STX18: variants seen among roughly 807,000 people sequenced by gnomAD.
STX18 encodes syntaxin 18.
STX18 carries 40 observed loss-of-function variants against 50.1 expected under a neutral mutation model. The ratio of observed to expected loss-of-function variants is 0.80; its 90% CI spans 0.62 to 1.04. The LOEUF (loss-of-function observed/expected upper bound fraction) is 1.04. Ranked by LOEUF, STX18 falls within the 50% of genes least tolerant of loss-of-function variation. The probability of loss-of-function intolerance (pLI) is 0.00; values close to 1 mark genes in which losing one functional copy is unlikely to be tolerated. For missense variants in STX18, 410 were observed against 415.8 expected (o/e 0.99, Z 0.12); for synonymous variants, 158 against 151.8 (o/e 1.04, Z -0.30).
At chr4:4,470,804 G>A (rs556712256) in intron 2 of STX18, among the ~76,000 whole-genome samples, 15 of 152,316 alleles carry the variant, frequency 9.8e-5, no homozygotes, top group Admixed American at 2.6e-4. Flanking sequence ...CTGGAGCACC[G>A]TCGTGGGAAG....
At position 4,419,530 on chromosome 4, in the gene STX18, C is replaced by A. The variant is rs945554580; in HGVS notation, c.*504G>T. 2.0e-5 allele frequency: 3 copies of A among 152,860 alleles called. No homozygotes were observed. Among genetic ancestry groups the A allele is most frequent in the African/African-American group, 7.2e-5 (3 of 41,458 alleles). The allele number at this position is 152,860 out of a possible 1,614,324, so 9.5% of individuals were successfully genotyped here. On this transcript the variant is annotated 3_prime_UTR_variant, in exon 11 of 11. Transcript: ENST00000306200. ...ACAAGGCAGATGTGAATTTTCTCTTCTATAATCCAGTAAGTCTGTGTATTC... is the reference window on the plus strand; with the variant it reads ...ACAAGGCAGATGTGAATTTTCTCTTATATAATCCAGTAAGTCTGTGTATTC...
At chr4:4,435,418 C>G (rs1453239633) in intron 6 of STX18, among the ~76,000 whole-genome samples, 2 of 152,160 alleles carry the variant, frequency 1.3e-5, no homozygotes, top group African/African-American at 4.8e-5. Context: ...GAGTCCCTGT[C>G]TACCCATGAA....
At chr4:4,520,985 C>G (rs897990083) in intron 1 of STX18, among the ~76,000 whole-genome samples, 9 of 152,140 alleles carry the variant, frequency 5.9e-5, no homozygotes, top group Non-Finnish European at 1.3e-4. Flanking sequence ...AAGACTTGAA[C>G]AATCTTTGAA....
intron 1 of STX18, among the ~76,000 whole-genome samples, chr4:4,476,345 A>G (rs1004911636): frequency 2.6e-5 from 4 of 152,256 alleles, no homozygotes; most frequent in Non-Finnish European, 5.9e-5. Flanking sequence ...TGTCTCCTCT[A>G]TACTAGTTAC....
Position 4,435,221 on chromosome 4 carries a change from CCT to C in STX18, c.614-365_614-364del, listed in dbSNP as rs555291915. ...TGTTTTACTTCAAGACACATACACCCCTGTCTACTTTTAAAGACTGTAAGACA... is the reference window on the plus strand; with the variant it reads ...TGTTTTACTTCAAGACACATACACCCGTCTACTTTTAAAGACTGTAAGACA... On this transcript the variant is annotated intron_variant, in intron 6 of 10. Coordinates refer to ENST00000306200, the MANE Select transcript of STX18 (RefSeq NM_016930.4). Among the ~76,000 whole-genome samples the C allele has an allele frequency of 6.7e-4, 102 of 152,194 alleles. 1 individual carries two copies. Among genetic ancestry groups the C allele is most frequent in the African/African-American group, 2.3e-3 (97 of 41,504 alleles).
intron 1 of STX18, among the ~76,000 whole-genome samples, chr4:4,482,929 C>T (rs986393344): frequency 6.6e-6 from 1 of 152,122 alleles, no homozygotes; most frequent in African/African-American, 2.4e-5. Context: ...TAATCAATAG[C>T]TAAATAACCT....
At chr4:4,514,090 T>C (rs1730130084) in intron 1 of STX18, among the ~76,000 whole-genome samples, 1 of 152,188 alleles carries the variant, frequency 6.6e-6, no homozygotes, top group Admixed American at 6.6e-5. Flanking sequence ...TGGCCAGGAC[T>C]TGTATATCAT....
chr4:4,473,943 GTC>G (rs1356304179), intron 1 of STX18, among the ~76,000 whole-genome samples: 1 of 152,158 alleles, frequency 6.6e-6, no homozygotes, highest in Non-Finnish European at 1.5e-5. Context: ...ACGGGAAAAA[GTC>G]CAAACTCCCA....
intron 1 of STX18, among the ~76,000 whole-genome samples, chr4:4,487,996 A>G (rs1382388927): frequency 6.6e-6 from 1 of 152,184 alleles, no homozygotes; most frequent in Non-Finnish European, 1.5e-5. Context: ...GGCTGTACCT[A>G]AAATTTGTGG....
intron 7 of STX18, among the ~76,000 whole-genome samples, chr4:4,431,033 T>C (rs563356374): frequency 3.3e-5 from 5 of 152,286 alleles, no homozygotes; most frequent in Admixed American, 1.3e-4. Flanking sequence ...CTCTCACACC[T>C]ACAGGCTGCT....
chr4:4,460,843 G>T (rs1045482623), intron 2 of STX18, among the ~76,000 whole-genome samples: 2 of 152,108 alleles, frequency 1.3e-5, no homozygotes, highest in Non-Finnish European at 2.9e-5. Flanking sequence ...CAGCAAGCTC[G>T]ATCCCCTCTC....
At chr4:4,504,219 C>T (rs1019711308) in intron 1 of STX18, among the ~76,000 whole-genome samples, 1 of 152,110 alleles carries the variant, frequency 6.6e-6, no homozygotes, top group Admixed American at 6.5e-5. Flanking sequence ...TCATGCCATG[C>T]TTTCTAATCT....
chr4:4,509,520 T>G (rs1560201307), intron 1 of STX18, among the ~76,000 whole-genome samples: 1 of 152,190 alleles, frequency 6.6e-6, no homozygotes. Flanking sequence ...AAGGCTGTCT[T>G]GTAACAAAAA....
chr4:4,541,558 G>A (rs1351202111), intron 1 of STX18, among the ~76,000 whole-genome samples: 1 of 152,046 alleles, frequency 6.6e-6, no homozygotes, highest in Non-Finnish European at 1.5e-5. Context: ...CTCCTTTCTT[G>A]TCCCCCAATC....
intron 1 of STX18, among the ~76,000 whole-genome samples, chr4:4,506,196 T>C (rs951291736): frequency 6.6e-6 from 1 of 152,200 alleles, no homozygotes; most frequent in African/African-American, 2.4e-5. Context: ...CCCTAGGTAT[T>C]TGCCCTAGAG....
At chr4:4,450,844 T>C (rs1036506990) in intron 5 of STX18, among the ~76,000 whole-genome samples, 1 of 152,348 alleles carries the variant, frequency 6.6e-6, no homozygotes, top group East Asian at 1.9e-4. Context: ...GTCAAAGGGC[T>C]TCACTGACTT....
At chr4:4,484,913 A>G (rs1432797706) in intron 1 of STX18, among the ~76,000 whole-genome samples, 2 of 152,252 alleles carry the variant, frequency 1.3e-5, no homozygotes, top group Non-Finnish European at 2.9e-5. Context: ...GGACGGAGGT[A>G]ATAAAGAAAA....
intron 1 of STX18, among the ~76,000 whole-genome samples, chr4:4,508,412 T>G (rs1229797351): frequency 2.0e-5 from 3 of 152,118 alleles, no homozygotes; most frequent in South Asian, 2.1e-4. Context: ...TTTTTTTTTG[T>G]GTGTTGCACA....
Position 4,459,361 on chromosome 4 carries a change from G to A in STX18, c.352+11C>T. 1 of 1,601,154 alleles carries A rather than the reference G, an allele frequency of 6.2e-7. No individual in the cohort carries two copies. The highest frequency in any genetic ancestry group is 8.6e-7 in the Non-Finnish European group (1 of 1,168,588). Reference sequence around the variant, plus strand: ...CATGGTTGCTTGTTTGCATCTTTCAGAGCACTTTACCTTCTGTTCGTAGTT... The same window carrying A: ...CATGGTTGCTTGTTTGCATCTTTCAAAGCACTTTACCTTCTGTTCGTAGTT... On this transcript the variant is annotated intron_variant, in intron 3 of 10. Transcript: ENST00000306200.
Sources: allele counts gnomAD v4.1 joint callset (sites outside exome capture counted in the v4.1 genomes callset), GRCh38; gene constraint gnomAD v4.1.1; transcripts MANE v1.5; gene names NCBI Gene and HGNC (gene_info 2026-07-23, HGNC 2026-07-21).